SNCAIP: variants seen among roughly 807,000 people sequenced by gnomAD.
The protein encoded by SNCAIP is synuclein alpha interacting protein, also known as synphilin-1.
A neutral mutation model predicts 86.7 loss-of-function variants in SNCAIP; 43 were observed. The observed-to-expected ratio is 0.50, with a 90% CI of 0.39 to 0.64. The LOEUF is 0.64. Among genes scored for constraint, SNCAIP ranks in the 30% least tolerant of loss-of-function variants. The pLI is 0.00. For missense variants in SNCAIP, 981 were observed against 1,103.1 expected, an observed-to-expected ratio of 0.89 and a Z score of 1.57; for synonymous variants, 417 against 427.2, an observed-to-expected ratio of 0.98 and a Z score of 0.29.
intron 3 of SNCAIP, among the ~76,000 whole-genome samples, chr5:122,405,560 A>C (rs1341253314): frequency 6.6e-6 from 1 of 152,176 alleles, no homozygotes; most frequent in Non-Finnish European, 1.5e-5. Context: ...GTCACACAGC[A>C]ATTAAGTTAC....
chr5:122,429,480 C>G (rs1777968475), intron 5 of SNCAIP, among the ~76,000 whole-genome samples: 1 of 149,180 alleles, frequency 6.7e-6, no homozygotes, highest in Non-Finnish European at 1.5e-5. Context: ...AATAGAAGAC[C>G]TACATTACTA....
chr5:122,450,719 G>A lies in SNCAIP; in HGVS notation c.1872G>A (p.Leu624=), dbSNP rs1055367459. The A allele has an allele frequency of 6.2e-7, 1 of 1,614,052 alleles. No individual in the cohort carries two copies. Among genetic ancestry groups the A allele is most frequent in the African/African-American group, 1.3e-5 (1 of 74,920 alleles). ...EDSDKILRQL[L]GKEISENVCT... is the part of the protein sequence containing the mutation. The stretch of plus-strand genomic sequence containing the variant: ...CTGATAAAATCTTACGCCAGTTATT[G>A]GGAAAGGAAATCTCAGAAAATGTCT... Residue 624 remains leucine, a synonymous_variant, in exon 10 of 11, where the codon TTG becomes TTA. Coordinates refer to ENST00000261368, the MANE Select transcript of SNCAIP (RefSeq NM_005460.4).
At chr5:122,340,936 C>G (rs866113097) in intron 1 of SNCAIP, among the ~76,000 whole-genome samples, 1 of 152,102 alleles carries the variant, frequency 6.6e-6, no homozygotes, top group Non-Finnish European at 1.5e-5. Flanking sequence ...AGCATTAGTA[C>G]CTTAACATTT....
At chr5:122,343,013 A>G (rs1222156127) in intron 1 of SNCAIP, among the ~76,000 whole-genome samples, 1 of 152,226 alleles carries the variant, frequency 6.6e-6, no homozygotes, top group Non-Finnish European at 1.5e-5. Flanking sequence ...ATAAGTGATT[A>G]CACTTGTTTT....
At chr5:122,331,601 G>T (rs1755348874) in intron 1 of SNCAIP, among the ~76,000 whole-genome samples, 1 of 152,176 alleles carries the variant, frequency 6.6e-6, no homozygotes, top group Non-Finnish European at 1.5e-5. Context: ...GTTAGAGGCT[G>T]GGAAGTCCAA....
At chr5:122,357,169 T>C (rs1015964478) in intron 1 of SNCAIP, among the ~76,000 whole-genome samples, 2 of 152,190 alleles carry the variant, frequency 1.3e-5, no homozygotes, top group Non-Finnish European at 2.9e-5. Flanking sequence ...TTCCCCTACA[T>C]TTTTGCATGA....
rs369158185 is a variant in SNCAIP, at chr5:122,440,921, G to A, written c.1422+167G>A. 12 of 685,566 alleles carry A rather than the reference G, an allele frequency of 1.8e-5. No individual in the cohort carries two copies. In the South Asian group the frequency reaches 2.1e-4, roughly 12 times the overall value. 42.5% of individuals were successfully genotyped at this position (685,566 alleles called of 1,614,324 possible). A position where few individuals can be genotyped will look rare whatever the true frequency, so the allele number is the denominator to read the frequency against. On this transcript the variant is annotated intron_variant, in intron 7 of 10. Coordinates refer to ENST00000261368, the MANE Select transcript of SNCAIP (RefSeq NM_005460.4). ...TGTGTTTCCAGAAATCCACACAAAT[G>A]TAGGTAGGCATAAATATCCATAAGA...
chr5:122,423,010 C>T lies in SNCAIP; in HGVS notation c.273C>T (p.Asn91=), dbSNP rs143592897. 4 of 1,614,124 alleles carry T rather than the reference C, an allele frequency of 2.5e-6. No individual in the cohort carries two copies. Among genetic ancestry groups the T allele is most frequent in the Non-Finnish European group, 3.4e-6 (4 of 1,180,018 alleles). ...AACATCAGCCAGAGACTCTGGAGAA[C>T]AATGAAAGTGATGACCAAAAGAACC... ...PLKHQPETLE[N]NESDDQKNQK... is the part of the protein sequence containing the mutation. The change falls in exon 4 of 11, where the codon AAC becomes AAT. Residue 91 remains asparagine (N), a synonymous_variant. Coordinates refer to ENST00000261368, the MANE Select transcript of SNCAIP (RefSeq NM_005460.4).
At chr5:122,317,220 GAC>G (rs1406789325) in intron 1 of SNCAIP, among the ~76,000 whole-genome samples, 2 of 152,094 alleles carry the variant, frequency 1.3e-5, no homozygotes, top group Non-Finnish European at 2.9e-5. Context: ...CCTTTATTGA[GAC>G]ACAGTTGTCT....
At chr5:122,427,376 GT>G (rs35824191) in intron 5 of SNCAIP, among the ~76,000 whole-genome samples, 78,814 of 143,906 alleles carry the variant, frequency 0.55, 21,088 homozygotes, top group Non-Finnish European at 0.6. Context: ...AAACAGCAGT[GT>G]TTTTTTTTTT....
intron 3 of SNCAIP, among the ~76,000 whole-genome samples, chr5:122,412,485 CCT>C (rs1774348282): frequency 6.6e-6 from 1 of 152,100 alleles, no homozygotes; most frequent in African/African-American, 2.4e-5. Flanking sequence ...TGTGAGACCA[CCT>C]CTCTCCTCAT....
In SNCAIP at chr5:122,423,364, T is replaced by TC; in HGVS notation, c.628dup (p.Leu210ProfsTer25). ...CATCCAACATGGCACCATTTTGTGT[T>TC]CTTTCTCCCGTGAAAAGCCCTCACT... is the stretch of plus-strand genomic sequence containing the variant. On this transcript the variant is annotated frameshift_variant, in exon 4 of 11. Coordinates refer to ENST00000261368, the MANE Select transcript of SNCAIP (RefSeq NM_005460.4). LOFTEE classifies it high-confidence loss of function. 1 of 1,613,692 alleles carries TC rather than the reference T, an allele frequency of 6.2e-7. No individual in the cohort carries two copies. Among genetic ancestry groups the TC allele is most frequent in the Non-Finnish European group, 8.5e-7 (1 of 1,179,730 alleles).
intron 2 of SNCAIP, among the ~76,000 whole-genome samples, chr5:122,396,562 T>A (rs990021673): frequency 6.6e-6 from 1 of 152,182 alleles, no homozygotes; most frequent in African/African-American, 2.4e-5. Flanking sequence ...TCACAATTAG[T>A]TTTTATGCCA....
intron 3 of SNCAIP, among the ~76,000 whole-genome samples, chr5:122,413,051 C>T (rs1774483384): frequency 6.6e-6 from 1 of 152,136 alleles, no homozygotes; most frequent in Non-Finnish European, 1.5e-5. Flanking sequence ...AGGATGGAGC[C>T]CTCATAAATG....
intron 1 of SNCAIP, among the ~76,000 whole-genome samples, chr5:122,318,443 C>T (rs1442009540): frequency 6.6e-6 from 1 of 152,164 alleles, no homozygotes; most frequent in Admixed American, 6.6e-5. Context: ...GTCTTGAGAG[C>T]TGGACTTACT....
At chr5:122,340,364 G>A (rs902649390) in intron 1 of SNCAIP, among the ~76,000 whole-genome samples, 1 of 152,172 alleles carries the variant, frequency 6.6e-6, no homozygotes, top group Admixed American at 6.5e-5. Context: ...TGAACACAGA[G>A]AGCCATCATG....
chr5:122,403,394 G>A (rs1353505009), intron 2 of SNCAIP, among the ~76,000 whole-genome samples: 1 of 152,102 alleles, frequency 6.6e-6, no homozygotes, highest in Non-Finnish European at 1.5e-5. Flanking sequence ...AGGTGCTCCC[G>A]TACTTGGCTT....
intron 10 of SNCAIP, among the ~76,000 whole-genome samples, chr5:122,462,928 T>G (rs980798093): frequency 6.6e-6 from 1 of 152,214 alleles, no homozygotes; most frequent in African/African-American, 2.4e-5. Context: ...TGTACTCTTT[T>G]CCCGCAGACT....
chr5:122,454,234 G>C (rs1414184124), intron 10 of SNCAIP: 1 of 152,362 alleles, frequency 6.6e-6, no homozygotes, highest in East Asian at 1.9e-4. Flanking sequence ...TAAGTTGTAA[G>C]AAAGTCACTC....
Sources: gnomAD v4.1 joint callset for allele counts (sites outside exome capture counted in the v4.1 genomes callset) on GRCh38, gnomAD v4.1.1 for gene constraint, MANE v1.5 for transcripts, NCBI Gene and HGNC (gene_info 2026-07-23, HGNC 2026-07-21) for gene names.